ZFR2: variants seen among roughly 807,000 people sequenced by gnomAD.
The protein encoded by ZFR2 is zinc finger RNA-binding protein 2.
ZFR2 carries 104 observed loss-of-function variants against 105.7 expected under a neutral mutation model. The ratio of observed to expected loss-of-function variants is 0.98; its 90% CI spans 0.84 to 1.16. ZFR2 has a LOEUF of 1.16. Ranked by LOEUF, ZFR2 falls within the 50% of genes most tolerant of loss-of-function variation. The pLI is 0.00. For synonymous variants in ZFR2, 634 were observed against 597.7 expected (o/e 1.06, Z -0.89); for missense variants, 1,425 against 1,355.5 (o/e 1.05, Z -0.80).
rs73521124 is a variant in ZFR2, at chr19:3,810,591, C to G, written c.2433+159G>C. 6.6e-3 allele frequency among the ~76,000 whole-genome samples: 1,005 copies of G among 152,374 alleles called. 15 individuals are homozygous for G. Among genetic ancestry groups the G allele is most frequent in the African/African-American group, 0.023 (945 of 41,594 alleles). On this transcript the variant is annotated intron_variant, in intron 16 of 18. Transcript: ENST00000262961. The stretch of plus-strand genomic sequence containing the variant: ...AGGCTGTGGAGAGGGCCGTCTCCCC[C>G]GCAAGGGGACCTCAGGGACTCCCAC...
rs757782088 is a variant in ZFR2 at position 3,813,560 on chromosome 19, G to A, written c.2242+260C>T. ...TGGGTAAGGGCAAGGGAGGTGACAC[G>A]GTGTCGCTTGCCCGAGCAAGGCCCC... is the stretch of plus-strand genomic sequence containing the variant. On this transcript the variant is annotated intron_variant, in intron 14 of 18. Transcript: ENST00000262961. This position sits in a 1 kb window ranked among gnomAD's most constrained non-coding sequence, Gnocchi z 4.4. Among the ~76,000 whole-genome samples, 21 of 152,172 alleles carry A rather than the reference G, an allele frequency of 1.4e-4. No homozygotes were observed. Among genetic ancestry groups the A allele is most frequent in the Admixed American group, 3.9e-4 (6 of 15,280 alleles).
At chr19:3,814,316 T>A (rs1410732525) in intron 13 of ZFR2, among the ~76,000 whole-genome samples, 1 of 152,214 alleles carries the variant, frequency 6.6e-6, no homozygotes, top group Non-Finnish European at 1.5e-5. Flanking sequence ...TGGCCCTTTT[T>A]ACACAGTGAC....
At chr19:3,810,603 T>C in intron 16 of ZFR2, 147 bp downstream of exon 16, 1 of 667,696 alleles carries the variant, frequency 1.5e-6, no homozygotes, top group Non-Finnish European at 2.4e-6. Context: ...CAAGGGGACC[T>C]CAGGGACTCC....
intron 1 of ZFR2, among the ~76,000 whole-genome samples, chr19:3,868,312 C>A (rs2038457676): frequency 1.3e-5 from 2 of 151,458 alleles, no homozygotes; most frequent in Non-Finnish European, 2.9e-5. Flanking sequence ...CGGGGGTCAG[C>A]TACCCTCTGT....
intron 1 of ZFR2, among the ~76,000 whole-genome samples, chr19:3,860,104 C>T (rs955009376): frequency 6.6e-6 from 1 of 152,014 alleles, no homozygotes; most frequent in Non-Finnish European, 1.5e-5. Context: ...AATCATAGTT[C>T]ACTGTGGCCT....
At chr19:3,829,463 T>C (rs941939165) in intron 5 of ZFR2, among the ~76,000 whole-genome samples, 9 of 151,600 alleles carry the variant, frequency 5.9e-5, no homozygotes, top group East Asian at 3.9e-4. Flanking sequence ...TTTGTGTGTG[T>C]GTGTGTGTGT....
At chr19:3,854,485 G>A (rs1400102215) in intron 1 of ZFR2, among the ~76,000 whole-genome samples, 1 of 152,130 alleles carries the variant, frequency 6.6e-6, no homozygotes, top group Non-Finnish European at 1.5e-5. Flanking sequence ...AGACACCTGT[G>A]GTAGCTGAGA....
At chr19:3,836,620 T>C (rs2038077895) in intron 1 of ZFR2, among the ~76,000 whole-genome samples, 1 of 152,184 alleles carries the variant, frequency 6.6e-6, no homozygotes. Context: ...TAATAACTCT[T>C]CACTAAAAAG....
At chr19:3,851,432 AC>A (rs2038236739) in intron 1 of ZFR2, among the ~76,000 whole-genome samples, 3 of 152,134 alleles carry the variant, frequency 2.0e-5, no homozygotes, top group Admixed American at 1.3e-4. Flanking sequence ...ATTGCTTGTG[AC>A]CCCAGAAGCC....
At chr19:3,809,818 C>T (rs2037742194) in intron 16 of ZFR2, among the ~76,000 whole-genome samples, 1 of 152,080 alleles carries the variant, frequency 6.6e-6, no homozygotes, top group African/African-American at 2.4e-5. Context: ...GTGGTGCGTG[C>T]CTGTAATCCC....
chr19:3,833,865 T>C, intron 2 of ZFR2, 87 bp from the exon 3 acceptor site: 2 of 1,017,530 alleles, frequency 2.0e-6, no homozygotes, highest in South Asian at 2.9e-5. Context: ...CACACTGCAC[T>C]CTGCACTTAG....
intron 1 of ZFR2, among the ~76,000 whole-genome samples, chr19:3,850,820 G>A (rs753019070): frequency 1.4e-5 from 2 of 145,390 alleles, no homozygotes; most frequent in Admixed American, 7.0e-5. Context: ...TGGGAGGCTC[G>A]ATTAAGCTCA....
At chr19:3,855,745 A>G (rs568801397) in intron 1 of ZFR2, among the ~76,000 whole-genome samples, 3 of 152,116 alleles carry the variant, frequency 2.0e-5, no homozygotes, top group South Asian at 4.1e-4. Flanking sequence ...GAAACAGGGC[A>G]GCGCATTTGA....
chr19:3,820,212 C>G lies in ZFR2; in HGVS notation c.1710G>C (p.Arg570Ser). 2 of 1,552,272 alleles carry G rather than the reference C, an allele frequency of 1.3e-6. No homozygotes were observed. Among genetic ancestry groups the G allele is most frequent in the Non-Finnish European group, 1.7e-6 (2 of 1,147,794 alleles). Residue 570 changes from arginine to serine, a missense_variant, in exon 11 of 19, where the codon AGG (arginine) becomes AGC (serine). Physicochemically the swap from Arg to Ser is moderately radical, Grantham distance 110. Transcript: ENST00000262961. Reference sequence around the variant, plus strand: ...GTGGGGCGCTGGCGGGTGACTCCGGCCTGCCCATGAGCAGAGGCTGGGCCC... The same window carrying G: ...GTGGGGCGCTGGCGGGTGACTCCGGGCTGCCCATGAGCAGAGGCTGGGCCC... ...PDWAQPLLMG[R>S]PESPASAPLQ...
chr19:3,868,982 G>A lies in ZFR2; in HGVS notation c.36C>T (p.Gly12=), dbSNP rs1252727864. The A allele has an allele frequency of 2.9e-6, 4 of 1,368,730 alleles. No homozygotes were observed. The highest frequency in any genetic ancestry group is 3.1e-5 in the Admixed American group (1 of 31,760). 84.8% of individuals were successfully genotyped at this position (1,368,730 alleles called of 1,614,324 possible). The change falls in exon 1 of 19, where the codon GGC becomes GGT. Residue 12 remains glycine, a synonymous_variant. Coordinates refer to ENST00000262961, the MANE Select transcript of ZFR2 (RefSeq NM_015174.2). ...GCAGTTACCTGTACTGCGGGCCGCC[G>A]CCCTGCGCGAAGTCGAAATACTGAC... The part of the protein sequence containing the change: ...ATSQYFDFAQ[G]GGPQYSAQPP...
intron 1 of ZFR2, among the ~76,000 whole-genome samples, chr19:3,861,965 G>T (rs1264688148): frequency 6.6e-6 from 1 of 151,970 alleles, no homozygotes; most frequent in South Asian, 2.1e-4. Context: ...ATGAACACAG[G>T]GTTTACAAGT....
intron 5 of ZFR2, among the ~76,000 whole-genome samples, chr19:3,828,962 CTTTT>C (rs34334054): frequency 7.2e-6 from 1 of 139,772 alleles, no homozygotes; most frequent in Admixed American, 7.3e-5. Flanking sequence ...ACTTAGGAAT[CTTTT>C]TTTTTTTTTT....
rs763368133 is a variant in ZFR2, at chr19:3,807,244, G to A, written c.2571C>T (p.Cys857=). Residue 857 remains cysteine (C), a synonymous_variant, in exon 18 of 19, where the codon TGC becomes TGT. Transcript: ENST00000262961. The part of the protein sequence containing the change: ...LTDGPGLQDP[C]ERDQTDALEP... ...CGAGGGCATCTGTCTGGTCTCTCTCGCAGGGATCCTGGAGCCCGGGCCCGT... is the reference window on the plus strand; with the variant it reads ...CGAGGGCATCTGTCTGGTCTCTCTCACAGGGATCCTGGAGCCCGGGCCCGT... 63 of 1,560,486 alleles carry A rather than the reference G, an allele frequency of 4.0e-5. No homozygotes were observed. The highest frequency in any genetic ancestry group is 5.4e-5 in the African/African-American group (4 of 73,688).
Position 3,831,821 on chromosome 19 carries a change from G to A in ZFR2, c.437C>T (p.Pro146Leu), listed in dbSNP as rs2038020489. The change falls in exon 4 of 19, where the codon CCC becomes CTC. Residue 146 changes from proline (P) to leucine (L), a missense_variant. Coordinates refer to ENST00000262961, the MANE Select transcript of ZFR2 (RefSeq NM_015174.2). ...SPHGSHSHAQ[P>L]PQQAPIVESG... ...CTCCACTATGGGCGCCTGCTGTGGGGGCTGAGCGTGGCTGTGACTGCCATG... is the reference window on the plus strand; with the variant it reads ...CTCCACTATGGGCGCCTGCTGTGGGAGCTGAGCGTGGCTGTGACTGCCATG... 6.2e-7 allele frequency: 1 copy of A among 1,606,676 alleles called. No homozygotes were observed. The highest frequency in any genetic ancestry group is 1.3e-5 in the African/African-American group (1 of 74,850).
Sources: allele counts gnomAD v4.1 joint callset (sites outside exome capture counted in the v4.1 genomes callset), GRCh38; gene constraint gnomAD v4.1.1; non-coding constraint Gnocchi (gnomAD v3.1); transcripts MANE v1.5; gene names NCBI Gene and HGNC (gene_info 2026-07-23, HGNC 2026-07-21).